The following GRIA4 variants were observed in gnomAD, a reference collection of about 807,000 sequenced individuals.
The protein encoded by GRIA4 is glutamate ionotropic receptor AMPA type subunit 4, also known as glutamate receptor 4.
A neutral mutation model predicts 104.0 loss-of-function variants in GRIA4; 34 were observed. That is an observed-to-expected ratio of 0.33 (90% CI 0.25 to 0.44). GRIA4 has a LOEUF of 0.44. Ranked by LOEUF, GRIA4 falls within the 20% of genes least tolerant of loss-of-function variation. The probability of loss-of-function intolerance (pLI) is 1.00; values close to 1 mark genes in which losing one functional copy is unlikely to be tolerated. For missense variants in GRIA4, 750 were observed against 1,096.5 expected (o/e 0.68, Z 4.46); for synonymous variants, 386 against 381.9 (o/e 1.01, Z -0.13).
intron 3 of GRIA4, among the ~76,000 whole-genome samples, chr11:105,633,401 A>C (rs901184055): frequency 2.0e-5 from 3 of 152,208 alleles, no homozygotes; most frequent in Non-Finnish European, 4.4e-5. Context: ...GGCAGAGTCT[A>C]TATCTATTTT....
intron 3 of GRIA4, among the ~76,000 whole-genome samples, chr11:105,725,791 G>C (rs1279503004): frequency 1.3e-5 from 2 of 152,076 alleles, no homozygotes; most frequent in African/African-American, 2.4e-5. Context: ...AAGCACAAGG[G>C]TCGGGCAACT....
intron 4 of GRIA4, among the ~76,000 whole-genome samples, chr11:105,803,278 G>A (rs1231846105): frequency 6.6e-6 from 1 of 151,878 alleles, no homozygotes; most frequent in African/African-American, 2.4e-5. Context: ...AGGAGGCAAG[G>A]GAGATATTAG....
chr11:105,808,631 T>C (rs1943048817), intron 4 of GRIA4, among the ~76,000 whole-genome samples: 1 of 152,058 alleles, frequency 6.6e-6, no homozygotes, highest in African/African-American at 2.4e-5. Context: ...ACAAACAAAT[T>C]CTTTAAAAAC....
intron 3 of GRIA4, among the ~76,000 whole-genome samples, chr11:105,686,765 T>A (rs543577601): frequency 6.6e-6 from 1 of 152,170 alleles, no homozygotes; most frequent in Non-Finnish European, 1.5e-5. Flanking sequence ...GTAATAGCCA[T>A]TGTGACTGGT....
chr11:105,632,025 G>A (rs1035670564), intron 3 of GRIA4, among the ~76,000 whole-genome samples: 1 of 152,064 alleles, frequency 6.6e-6, no homozygotes, highest in African/African-American at 2.4e-5. Flanking sequence ...GTTGGAGGGA[G>A]GGAAAACAGG....
chr11:105,871,681 T>C (rs1945621452), intron 5 of GRIA4, among the ~76,000 whole-genome samples: 1 of 151,486 alleles, frequency 6.6e-6, no homozygotes, highest in African/African-American at 2.4e-5. Flanking sequence ...AACTCAAATG[T>C]GAAAAAAAAA....
At chr11:105,709,842 C>G (rs1233465656) in intron 3 of GRIA4, among the ~76,000 whole-genome samples, 1 of 152,022 alleles carries the variant, frequency 6.6e-6, no homozygotes, top group Non-Finnish European at 1.5e-5. Context: ...TGTGAATCAA[C>G]AGAATTTGAG....
At chr11:105,866,345 C>T (rs1003657185) in intron 5 of GRIA4, among the ~76,000 whole-genome samples, 2 of 151,512 alleles carry the variant, frequency 1.3e-5, no homozygotes, top group African/African-American at 2.4e-5. Context: ...TGAAAAGAAG[C>T]GTGTATTAAT....
intron 4 of GRIA4, among the ~76,000 whole-genome samples, chr11:105,815,513 T>C (rs1398663444): frequency 6.6e-6 from 1 of 152,164 alleles, no homozygotes; most frequent in Non-Finnish European, 1.5e-5. Context: ...AATGCCCTCA[T>C]GTGTTGGGTC....
In GRIA4 at chr11:105,654,015, A is replaced by AG. The variant is rs1336613031; in HGVS notation, c.247+41581_247+41582insG. Among the ~76,000 whole-genome samples the AG allele has an allele frequency of 4.7e-5, 7 of 149,136 alleles. No homozygotes were observed. In the East Asian group the frequency reaches 1.4e-3, roughly 29 times the overall value. Reference sequence around the variant, plus strand: ...CTATTTAGCCAAAAAAAAAAAAAAAAAAAAAAAAAAAAGAAAACAAAAAAG... The same window carrying AG: ...CTATTTAGCCAAAAAAAAAAAAAAAAGAAAAAAAAAAAAGAAAACAAAAAAG... On this transcript the variant is annotated intron_variant, in intron 3 of 16. Transcript: ENST00000282499.
chr11:105,911,351 G>A (rs536139645), intron 10 of GRIA4, among the ~76,000 whole-genome samples: 1 of 151,868 alleles, frequency 6.6e-6, no homozygotes, highest in Non-Finnish European at 1.5e-5. Context: ...GCCCTTTAAA[G>A]TCAATGCTAG....
At chr11:105,894,798 T>TCCCACCAAAAAA (rs1591410229) in intron 6 of GRIA4, among the ~76,000 whole-genome samples, 1 of 138,678 alleles carries the variant, frequency 7.2e-6, no homozygotes, top group Admixed American at 7.4e-5. Flanking sequence ...CATATTTTTT[T>TCCCACCAAAAAA]TTTTTTTTTT....
Position 105,610,894 on chromosome 11 carries a change from G to GTTT in GRIA4, c.-90-14_-90-13insTTT. On this transcript the variant is annotated splice_polypyrimidine_tract_variant and intron_variant, in intron 1 of 16. Coordinates refer to ENST00000282499, the MANE Select transcript of GRIA4 (RefSeq NM_000829.4). ...TCTTTTTTTTTTTTTTTTTTTGGTT[G>GTTT]ATTTTAATTTTAGCGCCATCGTCTT... is the stretch of plus-strand genomic sequence containing the variant. 4.4e-6 allele frequency: 1 copy of GTTT among 229,804 alleles called. No individual in the cohort carries two copies. The highest frequency in any genetic ancestry group is 7.3e-6 in the Non-Finnish European group (1 of 137,772). 14.2% of individuals were successfully genotyped at this position (229,804 alleles called of 1,614,324 possible). A position where few individuals can be genotyped will look rare whatever the true frequency, so the allele number is the denominator to read the frequency against.
chr11:105,927,370 C>T (rs1050573012), intron 13 of GRIA4, among the ~76,000 whole-genome samples: 2 of 152,068 alleles, frequency 1.3e-5, no homozygotes, highest in African/African-American at 4.8e-5. Flanking sequence ...GATTATACTA[C>T]TTATATGAGT....
At chr11:105,648,253 A>C (rs1334226579) in intron 3 of GRIA4, among the ~76,000 whole-genome samples, 1 of 151,512 alleles carries the variant, frequency 6.6e-6, no homozygotes, top group African/African-American at 2.4e-5. Flanking sequence ...TATTTTTTCC[A>C]AAAGGAAGTA....
intron 11 of GRIA4, among the ~76,000 whole-genome samples, chr11:105,920,597 G>C (rs915690028): frequency 6.6e-6 from 1 of 152,048 alleles, no homozygotes; most frequent in Non-Finnish European, 1.5e-5. Flanking sequence ...ATTTCATTCA[G>C]GGAAAATTGT....
At chr11:105,971,821 C>A in intron 14 of GRIA4, 93 bp from the exon 15 acceptor site, 1 of 782,710 alleles carries the variant, frequency 1.3e-6, no homozygotes, top group Non-Finnish European at 2.1e-6. Context: ...GTGGCCTCTG[C>A]TCTGTCACTT....
chr11:105,629,519 T>G (rs1000058007), intron 3 of GRIA4, among the ~76,000 whole-genome samples: 1 of 152,018 alleles, frequency 6.6e-6, no homozygotes, highest in African/African-American at 2.4e-5. Context: ...CAATAATATA[T>G]AAAAGAGACT....
chr11:105,812,855 A>G (rs1473494427), intron 4 of GRIA4, among the ~76,000 whole-genome samples: 2 of 152,144 alleles, frequency 1.3e-5, no homozygotes, highest in African/African-American at 4.8e-5. Context: ...TAATCCCAGC[A>G]CTTTGGCAGG....
Sources: gnomAD v4.1 joint callset for allele counts (sites outside exome capture counted in the v4.1 genomes callset) on GRCh38, gnomAD v4.1.1 for gene constraint, MANE v1.5 for transcripts, NCBI Gene and HGNC (gene_info 2026-07-23, HGNC 2026-07-21) for gene names.